BDP1: variants seen among roughly 807,000 people sequenced by gnomAD.
The protein encoded by BDP1 is transcription factor TFIIIB component B'' homolog.
A neutral mutation model predicts 266.6 loss-of-function variants in BDP1; 169 were observed. The observed-to-expected ratio is 0.63, with a 90% CI of 0.56 to 0.72. BDP1 has a LOEUF of 0.72. Among genes scored for constraint, BDP1 ranks in the 30% least tolerant of loss-of-function variants. BDP1 has a pLI of 0.00. For missense variants in BDP1, 3,015 were observed against 3,053.8 expected, an observed-to-expected ratio of 0.99 and a Z score of 0.30; for synonymous variants, 1,090 against 1,022.4, an observed-to-expected ratio of 1.07 and a Z score of -1.26.
intron 26 of BDP1, among the ~76,000 whole-genome samples, chr5:71,533,617 C>T (rs556929630): frequency 2.0e-5 from 3 of 152,110 alleles, no homozygotes; most frequent in Non-Finnish European, 2.9e-5. Flanking sequence ...AGGTGTGTGC[C>T]ACCATGCCCA....
In BDP1 at chr5:71,495,384, A is replaced by C. The variant is rs200446233; in HGVS notation, c.1775A>C (p.Asn592Thr). Residue 592 changes from asparagine to threonine, a missense_variant, in exon 12 of 39, where the codon AAT becomes ACT. By Grantham distance (65) the Asn-to-Thr change is moderately conservative (BLOSUM62 0). Transcript: ENST00000358731. Reference protein sequence around the residue: ...NAEGSCIEERNVDLKNNSLEI... With the variant: ...NAEGSCIEERTVDLKNNSLEI... The stretch of plus-strand genomic sequence containing the variant: ...GAGGGTAGTTGTATAGAAGAAAGAA[A>C]TGTTGACCTAAAAAATAATTCACTG... The C allele has an allele frequency of 4.7e-5, 74 of 1,580,562 alleles. No homozygotes were observed. The highest frequency in any genetic ancestry group is 6.3e-5 in the Non-Finnish European group (73 of 1,163,630).
chr5:71,526,461 C>T (rs1209460474), intron 25 of BDP1, among the ~76,000 whole-genome samples: 1 of 151,476 alleles, frequency 6.6e-6, no homozygotes, highest in East Asian at 2.0e-4. Context: ...TACTAAAATA[C>T]AAAAATTAGC....
the BDP1 span, among the ~76,000 whole-genome samples, chr5:71,573,786 C>T: frequency 6.6e-6 from 1 of 152,184 alleles, no homozygotes; most frequent in Non-Finnish European, 1.5e-5. Context: ...CCAGATACTG[C>T]TTATCAGCAG....
chr5:71,516,396 GT>G (rs1340381343), intron 21 of BDP1, 125 bp downstream of exon 21: 7 of 673,226 alleles, frequency 1.0e-5, no homozygotes, highest in Non-Finnish European at 1.7e-5. Flanking sequence ...ACAGTTTCCA[GT>G]TTTGTTTCAG....
chr5:71,484,886 A>G (rs1208567836), intron 8 of BDP1, among the ~76,000 whole-genome samples: 1 of 152,088 alleles, frequency 6.6e-6, no homozygotes, highest in Non-Finnish European at 1.5e-5. Flanking sequence ...TGTAGCATGT[A>G]TATTTATTTT....
At position 71,512,263 on chromosome 5, in the gene BDP1, C is replaced by T. The variant is rs752254805; in HGVS notation, c.4082C>T (p.Ser1361Leu). The change falls in exon 18 of 39, where the codon TCG (serine) becomes TTG (leucine). Residue 1361 changes from serine (S) to leucine (L), a missense_variant. This residue lies in a region of BDP1 where 2,383 missense variants were observed against 2,404.9 expected (regional missense o/e 0.99). Coordinates refer to ENST00000358731, the MANE Select transcript of BDP1 (RefSeq NM_018429.3). Reference protein sequence around the residue: ...DIQNISSEVLSMMHTPVEEKR... With the variant: ...DIQNISSEVLLMMHTPVEEKR... ...TAGAACATTAGCAGTGAAGTACTGT[C>T]GATGATGCATACACCTGTAGAAGAA... The T allele has an allele frequency of 1.7e-5, 27 of 1,545,070 alleles. No homozygotes were observed. The highest frequency in any genetic ancestry group is 4.4e-5 in the Admixed American group (2 of 45,392).
chr5:71,508,997 T>A (rs1764741413), intron 16 of BDP1, among the ~76,000 whole-genome samples: 1 of 152,218 alleles, frequency 6.6e-6, no homozygotes, highest in South Asian at 2.1e-4. Context: ...TCATTTGTAG[T>A]CCTAAGATTT....
intron 30 of BDP1, among the ~76,000 whole-genome samples, chr5:71,543,765 T>G (rs1767109487): frequency 6.6e-6 from 1 of 152,228 alleles, no homozygotes; most frequent in African/African-American, 2.4e-5. Context: ...AGCTTTTTCT[T>G]ACAATGTTAT....
chr5:71,523,074 C>A (rs1765591235), intron 24 of BDP1, 125 bp downstream of exon 24: 2 of 646,412 alleles, frequency 3.1e-6, no homozygotes, highest in African/African-American at 1.9e-5. Flanking sequence ...GAAACTTGAC[C>A]AAAGAGGAGT....
At chr5:71,577,284 T>C in the BDP1 span, among the ~76,000 whole-genome samples, 2 of 152,240 alleles carry the variant, frequency 1.3e-5, no homozygotes, top group African/African-American at 2.4e-5. Context: ...ATTTTTGCTA[T>C]TGTTTACTTG....
chr5:71,497,743 C>T (rs1026262767), intron 13 of BDP1, among the ~76,000 whole-genome samples: 7 of 152,170 alleles, frequency 4.6e-5, no homozygotes, highest in South Asian at 4.1e-4. Context: ...CTCATCTACA[C>T]ACAGGCAGTC....
rs151155386 is a variant in BDP1 at position 71,551,097 on chromosome 5, GTTTATTTATTTA to G, written c.6995+1511_6995+1522del. ...TTTATTTTATTATTATTTTTTAGTT[GTTTATTTATTTA>G]TTTATTTATTTATTTATTTTTAATT... On this transcript the variant is annotated intron_variant, in intron 34 of 38. Coordinates refer to ENST00000358731, the MANE Select transcript of BDP1 (RefSeq NM_018429.3). 4.7e-5 allele frequency among the ~76,000 whole-genome samples: 7 copies of G among 149,658 alleles called. No homozygotes were observed. In the South Asian group the frequency reaches 6.4e-4, roughly 14 times the overall value.
intron 8 of BDP1, among the ~76,000 whole-genome samples, chr5:71,485,789 G>T (rs1219393555): frequency 1.3e-5 from 2 of 152,162 alleles, no homozygotes; most frequent in Non-Finnish European, 2.9e-5. Context: ...AGTAAATGGT[G>T]AAATGGTTGT....
chr5:71,481,346 T>C (rs1181922083), intron 7 of BDP1, among the ~76,000 whole-genome samples: 3 of 136,852 alleles, frequency 2.2e-5, no homozygotes, highest in Non-Finnish European at 4.6e-5. Context: ...AGCCCAGAAG[T>C]TCAAACCCAG....
chr5:71,506,753 G>A (rs1764595353), intron 16 of BDP1, among the ~76,000 whole-genome samples: 1 of 127,220 alleles, frequency 7.9e-6, no homozygotes, highest in Non-Finnish European at 1.6e-5. Context: ...TGTTTGTTTG[G>A]AGGTTTATAT....
chr5:71,499,312 C>T (rs761971988), intron 13 of BDP1, among the ~76,000 whole-genome samples: 23 of 152,112 alleles, frequency 1.5e-4, no homozygotes, highest in Non-Finnish European at 2.6e-4. Flanking sequence ...ATTGAGCCAC[C>T]GTGCCCTGCC....
At chr5:71,501,740 G>T (rs894137710) in intron 14 of BDP1, 87 bp downstream of exon 14, 2 of 815,786 alleles carry the variant, frequency 2.5e-6, no homozygotes, top group African/African-American at 1.8e-5. Flanking sequence ...ACTTAATAAG[G>T]TCTGAATTTA....
At chr5:71,477,946 T>C (rs1436471353) in intron 7 of BDP1, among the ~76,000 whole-genome samples, 1 of 152,000 alleles carries the variant, frequency 6.6e-6, no homozygotes, top group Non-Finnish European at 1.5e-5. Flanking sequence ...CCTACTCTAC[T>C]GGCCTTAAAA....
Position 71,455,712 on chromosome 5 carries a change from G to T in BDP1, c.-166G>T, listed in dbSNP as rs917385057. 6.5e-5 allele frequency: 41 copies of T among 626,896 alleles called. No individual in the cohort carries two copies. The highest frequency in any genetic ancestry group is 1.2e-4 in the Admixed American group (4 of 33,128). The allele number at this position is 626,896 out of a possible 1,614,324, so 38.8% of individuals were successfully genotyped here. ...ATGAAAAAGCGGCGGCGGCGGGAGA[G>T]AGGAGGAGGCGGCGGCGGGGCAGTG... On this transcript the variant is annotated 5_prime_UTR_variant, in exon 1 of 39. Coordinates refer to ENST00000358731, the MANE Select transcript of BDP1 (RefSeq NM_018429.3).
Sources: gnomAD v4.1 joint callset for allele counts (sites outside exome capture counted in the v4.1 genomes callset) on GRCh38, gnomAD v4.1.1 for gene constraint, gnomAD v4.1.1 regional missense constraint, MANE v1.5 for transcripts, NCBI Gene and HGNC (gene_info 2026-07-23, HGNC 2026-07-21) for gene names.